Variants in ARHGAP24 observed in about 807,000 individuals in gnomAD.
ARHGAP24 encodes the protein rho GTPase-activating protein 24.
In ARHGAP24, 50 loss-of-function variants were observed where a neutral mutation model predicts 76.4. That is an observed-to-expected ratio of 0.65 (90% CI 0.52 to 0.83). The LOEUF (loss-of-function observed/expected upper bound fraction) is 0.83, where lower values mean the gene tolerates loss of function less well. ARHGAP24 is among the 40% of genes least tolerant of loss of function. The pLI is 0.00. For synonymous variants in ARHGAP24, 345 were observed against 323.3 expected (o/e 1.07, Z -0.72); for missense variants, 930 against 914.2 (o/e 1.02, Z -0.22).
chr4:85,696,583 G>C (rs1342927270), intron 2 of ARHGAP24, among the ~76,000 whole-genome samples: 1 of 152,120 alleles, frequency 6.6e-6, no homozygotes, highest in Admixed American at 6.5e-5. Context: ...TTTAATGCCT[G>C]TAATGCTTTT....
At chr4:85,992,301 G>T in intron 8 of ARHGAP24, 1 of 389,274 alleles carries the variant, frequency 2.6e-6, no homozygotes, top group Admixed American at 4.5e-5. Flanking sequence ...AGGGGCTATG[G>T]CCATTTATTG....
chr4:85,506,293 C>T (rs1348327565), intron 1 of ARHGAP24, among the ~76,000 whole-genome samples: 3 of 152,192 alleles, frequency 2.0e-5, no homozygotes, highest in Non-Finnish European at 4.4e-5. Context: ...CAGACAGGGA[C>T]GTTTAAATTT....
chr4:85,510,137 G>C (rs1209441404), intron 1 of ARHGAP24, among the ~76,000 whole-genome samples: 1 of 152,094 alleles, frequency 6.6e-6, no homozygotes, highest in Non-Finnish European at 1.5e-5. Flanking sequence ...TAAAGTGACA[G>C]GAATATACAC....
chr4:85,560,518 A>G (rs556206580), intron 1 of ARHGAP24, among the ~76,000 whole-genome samples: 30 of 152,190 alleles, frequency 2.0e-4, no homozygotes, highest in Admixed American at 5.9e-4. Flanking sequence ...ATTTTTTGCT[A>G]TTGTCTATTC....
chr4:85,743,677 C>T (rs2601854), intron 3 of ARHGAP24, among the ~76,000 whole-genome samples: 142,967 of 152,180 alleles, frequency 0.94, 67,826 homozygotes, highest in East Asian at 1. Flanking sequence ...TCTTTATTTT[C>T]TTTCTTTTGT....
chr4:85,869,016 C>G (rs1732370678), intron 3 of ARHGAP24, among the ~76,000 whole-genome samples: 1 of 151,974 alleles, frequency 6.6e-6, no homozygotes. Flanking sequence ...ACATGTACAA[C>G]TATGAGAAAT....
At chr4:85,816,740 A>C (rs1231050870) in intron 3 of ARHGAP24, among the ~76,000 whole-genome samples, 1 of 152,176 alleles carries the variant, frequency 6.6e-6, no homozygotes, top group Non-Finnish European at 1.5e-5. Context: ...GAGTGCACAT[A>C]TCCATTCTAG....
At chr4:85,917,870 G>A (rs1578386245) in intron 3 of ARHGAP24, among the ~76,000 whole-genome samples, 1 of 152,072 alleles carries the variant, frequency 6.6e-6, no homozygotes, top group South Asian at 2.1e-4. Context: ...ACAATAAAAT[G>A]TTTCTTAGAG....
At chr4:85,506,558 A>G (rs1724056896) in intron 1 of ARHGAP24, among the ~76,000 whole-genome samples, 1 of 149,306 alleles carries the variant, frequency 6.7e-6, no homozygotes, top group Admixed American at 6.6e-5. Context: ...AGCCAGGCAC[A>G]GAAGAAAATC....
chr4:85,524,277 C>T (rs1455767756), intron 1 of ARHGAP24, among the ~76,000 whole-genome samples: 2 of 152,048 alleles, frequency 1.3e-5, no homozygotes, highest in Non-Finnish European at 2.9e-5. Flanking sequence ...CCTTAAGTGT[C>T]CTTAAGCATC....
At chr4:85,601,584 T>A (rs1720030366) in intron 2 of ARHGAP24, among the ~76,000 whole-genome samples, 1 of 152,184 alleles carries the variant, frequency 6.6e-6, no homozygotes, top group Non-Finnish European at 1.5e-5. Context: ...TCTCTCCAGA[T>A]GTTGCCAAAT....
intron 2 of ARHGAP24, among the ~76,000 whole-genome samples, chr4:85,697,041 G>C (rs1187513180): frequency 6.6e-6 from 1 of 152,162 alleles, no homozygotes; most frequent in Non-Finnish European, 1.5e-5. Flanking sequence ...GAAACTATAA[G>C]AAAAATCCCC....
intron 3 of ARHGAP24, among the ~76,000 whole-genome samples, chr4:85,790,997 T>C (rs1578231997): frequency 1.3e-5 from 2 of 152,196 alleles, no homozygotes; most frequent in East Asian, 1.9e-4. Flanking sequence ...TTTTACCCAT[T>C]AATCAGTAAA....
At chr4:85,565,535 C>T (rs1467534852) in intron 1 of ARHGAP24, among the ~76,000 whole-genome samples, 1 of 152,160 alleles carries the variant, frequency 6.6e-6, no homozygotes, top group Non-Finnish European at 1.5e-5. Context: ...CCACCAGACG[C>T]CAAGGAAACT....
At chr4:85,667,512 G>T (rs956528248) in intron 2 of ARHGAP24, among the ~76,000 whole-genome samples, 5 of 152,012 alleles carry the variant, frequency 3.3e-5, no homozygotes, top group African/African-American at 1.2e-4. Context: ...CCACTGTCCT[G>T]CACCCACTTT....
chr4:85,549,370 G>A (rs367844805), intron 1 of ARHGAP24, among the ~76,000 whole-genome samples: 3 of 151,224 alleles, frequency 2.0e-5, no homozygotes, highest in Non-Finnish European at 2.9e-5. Context: ...TAATGATACC[G>A]GATTGTGTTT....
At chr4:85,901,687 C>T (rs1013627175) in intron 3 of ARHGAP24, among the ~76,000 whole-genome samples, 1 of 152,270 alleles carries the variant, frequency 6.6e-6, no homozygotes, top group East Asian at 1.9e-4. Flanking sequence ...AATACTTATA[C>T]TCCAAGAATG....
intron 3 of ARHGAP24, among the ~76,000 whole-genome samples, chr4:85,827,453 A>T (rs1224400194): frequency 9.6e-6 from 1 of 103,986 alleles, no homozygotes; most frequent in Non-Finnish European, 2.1e-5. Flanking sequence ...GCTACACTGA[A>T]GTCTGCCCGT....
At chr4:85,865,249 CTAGGTTAATGATTA>C (rs1464194238) in intron 3 of ARHGAP24, among the ~76,000 whole-genome samples, 16 of 151,832 alleles carry the variant, frequency 1.1e-4, no homozygotes, top group Non-Finnish European at 1.2e-4. Context: ...TCTTGATTTT[CTAGGTTAATGATTA>C]TTGTGGCCAA....
Sources: gnomAD v4.1 joint callset for allele counts (sites outside exome capture counted in the v4.1 genomes callset) on GRCh38, gnomAD v4.1.1 for gene constraint, MANE v1.5 for transcripts, NCBI Gene and HGNC (gene_info 2026-07-23, HGNC 2026-07-21) for gene names.